RNF182: variants seen among roughly 807,000 people sequenced by gnomAD.
RNF182 encodes the protein ring finger protein 182.
A neutral mutation model predicts 14.4 loss-of-function variants in RNF182; 15 were observed. The observed-to-expected ratio is 1.04, with a 90% CI of 0.70 to 1.60. RNF182 has a LOEUF of 1.60. RNF182 is among the 40% of genes most tolerant of loss of function. The pLI, the probability that RNF182 is intolerant of heterozygous loss-of-function variation, is 0.00. For synonymous variants in RNF182, 128 were observed against 122.9 expected, an observed-to-expected ratio of 1.04 and a Z score of -0.27; for missense variants, 268 against 294.8, an observed-to-expected ratio of 0.91 and a Z score of 0.67.
At chr6:13,963,905 A>G (rs962971512) in intron 1 of RNF182, among the ~76,000 whole-genome samples, 1 of 152,180 alleles carries the variant, frequency 6.6e-6, no homozygotes, top group Non-Finnish European at 1.5e-5. Context: ...GTTGCCACAC[A>G]TGATAGGGGC....
intron 1 of RNF182, among the ~76,000 whole-genome samples, chr6:13,945,532 T>C (rs1561779210): frequency 6.6e-6 from 1 of 152,144 alleles, no homozygotes; most frequent in Admixed American, 6.6e-5. Flanking sequence ...GGCAAAAATA[T>C]AGTAACAGCA....
chr6:13,971,146 C>T (rs977998143), intron 1 of RNF182, among the ~76,000 whole-genome samples: 1 of 152,038 alleles, frequency 6.6e-6, no homozygotes, highest in South Asian at 2.1e-4. Flanking sequence ...GCTCTGTTTC[C>T]CCACCCAAAT....
chr6:13,975,603 A>G (rs1281495582), intron 2 of RNF182, among the ~76,000 whole-genome samples: 1 of 152,214 alleles, frequency 6.6e-6, no homozygotes, highest in African/African-American at 2.4e-5. Context: ...TTAAAAATTA[A>G]AGTCTTAAAA....
intron 1 of RNF182, among the ~76,000 whole-genome samples, chr6:13,960,656 A>AGTGTGTGT (rs745687828): frequency 2.9e-3 from 385 of 133,210 alleles, no homozygotes; most frequent in Middle Eastern, 7.4e-3. Context: ...GGAGAGAGAG[A>AGTGTGTGT]GTGTGTGTGT....
chr6:13,971,281 A>G (rs1226633104), intron 1 of RNF182, among the ~76,000 whole-genome samples: 2 of 152,094 alleles, frequency 1.3e-5, no homozygotes, highest in Non-Finnish European at 2.9e-5. Context: ...TGATGATTTT[A>G]TGAAGGGTTT....
chr6:13,974,978 G>A (rs1760287604), intron 2 of RNF182, among the ~76,000 whole-genome samples: 1 of 152,194 alleles, frequency 6.6e-6, no homozygotes, highest in Admixed American at 6.5e-5. Flanking sequence ...ATCTGGGTGG[G>A]CATGTAGCTG....
intron 1 of RNF182, among the ~76,000 whole-genome samples, chr6:13,926,111 TGA>T (rs907064138): frequency 6.6e-6 from 1 of 152,188 alleles, no homozygotes; most frequent in African/African-American, 2.4e-5. Context: ...TTAAACAATA[TGA>T]GATGTCATAT....
At chr6:13,960,481 AAAAC>A (rs752792710) in intron 1 of RNF182, among the ~76,000 whole-genome samples, 14 of 152,194 alleles carry the variant, frequency 9.2e-5, no homozygotes, top group Non-Finnish European at 1.8e-4. Context: ...GTCTTTACAA[AAAAC>A]AAACAAACAC....
chr6:13,947,061 T>A (rs111505809), intron 1 of RNF182, among the ~76,000 whole-genome samples: 1 of 8,332 alleles, frequency 1.2e-4, no homozygotes, highest in African/African-American at 1.6e-4. Context: ...TGTCTAAAAT[T>A]AAATAAGAGC....
intron 1 of RNF182, among the ~76,000 whole-genome samples, chr6:13,957,684 A>G (rs1158156770): frequency 6.6e-6 from 1 of 152,216 alleles, no homozygotes; most frequent in Non-Finnish European, 1.5e-5. Flanking sequence ...TTTTAGGATA[A>G]TATTATAAAA....
chr6:13,950,483 C>A (rs1251497774), intron 1 of RNF182, among the ~76,000 whole-genome samples: 9 of 146,334 alleles, frequency 6.2e-5, no homozygotes. Flanking sequence ...TTTTATTTTT[C>A]TGACAAAACA....
At chr6:13,926,596 G>A (rs778595405) in intron 1 of RNF182, among the ~76,000 whole-genome samples, 1 of 152,098 alleles carries the variant, frequency 6.6e-6, no homozygotes, top group Non-Finnish European at 1.5e-5. Context: ...CTTTCATGAC[G>A]GTAATAAAAT....
chr6:13,935,110 TCC>T (rs1334361365), intron 1 of RNF182, among the ~76,000 whole-genome samples: 1 of 152,188 alleles, frequency 6.6e-6, no homozygotes, highest in Non-Finnish European at 1.5e-5. Context: ...GAAATATTCT[TCC>T]ATGTAGAGAA....
chr6:13,941,739 T>C (rs1759303908), intron 1 of RNF182, among the ~76,000 whole-genome samples: 1 of 152,180 alleles, frequency 6.6e-6, no homozygotes, highest in Admixed American at 6.5e-5. Flanking sequence ...CATCTATTTT[T>C]CACTTATGAA....
chr6:13,951,334 C>T (rs1759586085), intron 1 of RNF182, among the ~76,000 whole-genome samples: 1 of 152,190 alleles, frequency 6.6e-6, no homozygotes, highest in African/African-American at 2.4e-5. Context: ...GAAGGCAAAA[C>T]AGATCCTCCA....
chr6:13,951,568 C>T (rs1230003085), intron 1 of RNF182, among the ~76,000 whole-genome samples: 2 of 152,194 alleles, frequency 1.3e-5, no homozygotes, highest in African/African-American at 4.8e-5. Context: ...CTAGTTATTA[C>T]ACACCAAGGC....
At chr6:13,925,166 C>G (rs1195898473) in intron 1 of RNF182, 143 bp downstream of exon 1, 1 of 147,844 alleles carries the variant, frequency 6.8e-6, no homozygotes, top group Non-Finnish European at 1.5e-5. Flanking sequence ...AACTTCGGGC[C>G]GAGCGGCGCC....
At chr6:13,929,047 T>C (rs1758903588) in intron 1 of RNF182, among the ~76,000 whole-genome samples, 1 of 152,200 alleles carries the variant, frequency 6.6e-6, no homozygotes, top group Non-Finnish European at 1.5e-5. Context: ...TTGCTGGTGC[T>C]GGTCCTGGTC....
chr6:13,952,412 A>C (rs966948020), intron 1 of RNF182, among the ~76,000 whole-genome samples: 1 of 152,132 alleles, frequency 6.6e-6, no homozygotes, highest in Non-Finnish European at 1.5e-5. Flanking sequence ...TCAACATCCC[A>C]TAGTGTCAAA....
Sources: gnomAD v4.1 joint callset for allele counts (sites outside exome capture counted in the v4.1 genomes callset) on GRCh38, gnomAD v4.1.1 for gene constraint, MANE v1.5 for transcripts, NCBI Gene and HGNC (gene_info 2026-07-23, HGNC 2026-07-21) for gene names.